TJP1: variants seen among roughly 807,000 people sequenced by gnomAD.
TJP1 encodes the protein tight junction protein ZO-1.
TJP1 carries 43 observed loss-of-function variants against 194.2 expected under a neutral mutation model. The observed-to-expected ratio is 0.22, with a 90% CI of 0.17 to 0.29. The LOEUF (loss-of-function observed/expected upper bound fraction) is 0.29, where lower values mean the gene tolerates loss of function less well. Among genes scored for constraint, TJP1 ranks in the 10% least tolerant of loss-of-function variants. TJP1 has a pLI of 1.00. For missense variants in TJP1, 1,971 were observed against 2,185.7 expected (o/e 0.90, Z 1.96); for synonymous variants, 801 against 779.0 (o/e 1.03, Z -0.47).
At chr15:29,723,461 G>A (rs2043057400) in intron 18 of TJP1, among the ~76,000 whole-genome samples, 1 of 152,122 alleles carries the variant, frequency 6.6e-6, no homozygotes. Context: ...TAAGTTTCCT[G>A]AGGCCTCCCC....
chr15:29,778,944 A>G (rs1408076803), intron 2 of TJP1, among the ~76,000 whole-genome samples: 1 of 152,128 alleles, frequency 6.6e-6, no homozygotes, highest in Non-Finnish European at 1.5e-5. Context: ...ATTTGGGAGG[A>G]AGTCACATAT....
chr15:29,884,043 A>G (rs565201951), intron 2 of TJP1, among the ~76,000 whole-genome samples: 2 of 152,332 alleles, frequency 1.3e-5, no homozygotes, highest in South Asian at 4.1e-4. Flanking sequence ...GGGTATCCCT[A>G]CTAAAACAAG....
At chr15:29,927,940 G>A (rs1567203752) in intron 2 of TJP1, among the ~76,000 whole-genome samples, 1 of 152,074 alleles carries the variant, frequency 6.6e-6, no homozygotes, top group Non-Finnish European at 1.5e-5. Flanking sequence ...CTTGAAATCG[G>A]ACTGATGTTA....
At chr15:29,816,016 CT>C (rs571146146) in intron 1 of TJP1, among the ~76,000 whole-genome samples, 226 of 145,426 alleles carry the variant, frequency 1.6e-3, no homozygotes, top group South Asian at 8.1e-3. Context: ...GGTGTCTTTC[CT>C]TTTTTTTTTT....
chr15:29,943,628 CAAAAAAAAAAAA>C (rs71103417), intron 2 of TJP1, among the ~76,000 whole-genome samples: 2 of 51,020 alleles, frequency 3.9e-5, no homozygotes, highest in African/African-American at 8.4e-5. Flanking sequence ...GACTCCATCT[CAAAAAAAAAAAA>C]AAAAAAAAAA....
At chr15:29,949,919 ACCTTC>A (rs2055595325) in intron 2 of TJP1, among the ~76,000 whole-genome samples, 7 of 53,452 alleles carry the variant, frequency 1.3e-4, no homozygotes, top group Admixed American at 2.2e-4. Context: ...CTCCACCTCC[ACCTTC>A]ACCACCACCA....
At chr15:29,953,140 ATTTTTTTTT>A (rs71416442) in intron 2 of TJP1, among the ~76,000 whole-genome samples, 1 of 110,978 alleles carries the variant, frequency 9.0e-6, no homozygotes, top group Non-Finnish European at 1.8e-5. Context: ...AAGAAGACAG[ATTTTTTTTT>A]TTTTTTTTTT....
At chr15:29,761,112 A>AT (rs869215742) in intron 8 of TJP1, 27 bp downstream of exon 8, 2 of 1,559,304 alleles carry the variant, frequency 1.3e-6, no homozygotes, top group Non-Finnish European at 1.7e-6. Context: ...AAACCCCTGT[A>AT]TTTTTTAAAA....
chr15:29,823,711 C>CT (rs1287115953), upstream of TJP1: 2 of 152,040 alleles, frequency 1.3e-5, no homozygotes, highest in African/African-American at 4.8e-5. Context: ...CCTTTTTGTT[C>CT]TTCATAAAAA....
intron 2 of TJP1, among the ~76,000 whole-genome samples, chr15:29,951,419 C>T (rs1415220318): frequency 6.6e-6 from 1 of 152,056 alleles, no homozygotes; most frequent in Non-Finnish European, 1.5e-5. Context: ...CCACCCGCCT[C>T]GGCCTCCCAA....
chr15:29,791,717 G>A (rs1181315293), intron 2 of TJP1, among the ~76,000 whole-genome samples: 1 of 151,998 alleles, frequency 6.6e-6, no homozygotes, highest in Non-Finnish European at 1.5e-5. Flanking sequence ...CATAGTGACT[G>A]TACTGGTTTA....
chr15:29,830,689 T>G (rs1201134340), intron 2 of TJP1, among the ~76,000 whole-genome samples: 2 of 152,062 alleles, frequency 1.3e-5, no homozygotes, highest in Non-Finnish European at 2.9e-5. Context: ...ATTAATTTTT[T>G]TTTAATATAA....
intron 15 of TJP1, chr15:29,730,590 G>A (rs1459856004): frequency 1.9e-6 from 1 of 533,992 alleles, no homozygotes; most frequent in South Asian, 1.6e-5. Flanking sequence ...GTGAGACTCT[G>A]TCTCTGAAAA....
intron 2 of TJP1, among the ~76,000 whole-genome samples, chr15:29,776,665 T>C (rs960549321): frequency 6.6e-6 from 1 of 152,160 alleles, no homozygotes; most frequent in African/African-American, 2.4e-5. Flanking sequence ...TACTATAGCA[T>C]GCCTTAGTCT....
At chr15:29,918,140 T>C (rs995092131) in intron 2 of TJP1, among the ~76,000 whole-genome samples, 3 of 152,216 alleles carry the variant, frequency 2.0e-5, no homozygotes, top group Admixed American at 2.0e-4. Flanking sequence ...TCCATCCATG[T>C]TGTAGCATGT....
At chr15:29,754,279 C>T (rs2045498631) in intron 8 of TJP1, among the ~76,000 whole-genome samples, 1 of 152,146 alleles carries the variant, frequency 6.6e-6, no homozygotes, top group Non-Finnish European at 1.5e-5. Context: ...GAACAGAAAA[C>T]CAAACACTGC....
chr15:29,705,247 G>C (rs528857280), intron 26 of TJP1, among the ~76,000 whole-genome samples: 1 of 152,324 alleles, frequency 6.6e-6, no homozygotes, highest in East Asian at 1.9e-4. Flanking sequence ...AATTTGGTTA[G>C]GTCAGCCTAG....
intron 2 of TJP1, among the ~76,000 whole-genome samples, chr15:29,897,929 G>A (rs1042912691): frequency 1.3e-5 from 2 of 152,196 alleles, no homozygotes; most frequent in African/African-American, 4.8e-5. Context: ...ATAGGCAGAA[G>A]AGTCTTGCTT....
At chr15:29,746,381 A>G (rs2044783161) in intron 8 of TJP1, among the ~76,000 whole-genome samples, 1 of 151,978 alleles carries the variant, frequency 6.6e-6, no homozygotes, top group African/African-American at 2.4e-5. Context: ...CCGTCTCAAA[A>G]AAAAAAAAAG....
Sources: allele counts gnomAD v4.1 joint callset (sites outside exome capture counted in the v4.1 genomes callset), GRCh38; gene constraint gnomAD v4.1.1; transcripts MANE v1.5; gene names NCBI Gene and HGNC (gene_info 2026-07-23, HGNC 2026-07-21).